The following HECW2 variants were observed in gnomAD, a reference collection of about 807,000 sequenced individuals.
HECW2 encodes HECT, C2 and WW domain containing E3 ubiquitin protein ligase 2.
In HECW2, 61 loss-of-function variants were observed where a neutral mutation model predicts 175.2. The observed-to-expected ratio is 0.35, with a 90% CI of 0.28 to 0.43. The LOEUF (loss-of-function observed/expected upper bound fraction) is 0.43, where lower values mean the gene tolerates loss of function less well. Among genes scored for constraint, HECW2 ranks in the 20% least tolerant of loss-of-function variants. The pLI is 1.00. For synonymous variants in HECW2, 671 were observed against 731.0 expected (o/e 0.92, Z 1.32); for missense variants, 1,524 against 2,000.5 (o/e 0.76, Z 4.54).
At chr2:196,373,166 A>G (rs1043935454) in intron 2 of HECW2, among the ~76,000 whole-genome samples, 1 of 152,228 alleles carries the variant, frequency 6.6e-6, no homozygotes. Context: ...CAAAATAGAT[A>G]AAGGATAGTC....
At chr2:196,433,542 G>A (rs1199735909) in intron 1 of HECW2, 84 bp from the exon 2 acceptor site, 3 of 990,492 alleles carry the variant, frequency 3.0e-6, no homozygotes, top group Non-Finnish European at 4.4e-6. Flanking sequence ...AGCCTTAAAG[G>A]GTGTTTAATA....
intron 1 of HECW2, among the ~76,000 whole-genome samples, chr2:196,540,201 G>T (rs998108556): frequency 9.9e-5 from 15 of 151,888 alleles, no homozygotes; most frequent in Non-Finnish European, 1.8e-4. Flanking sequence ...TACAATTTTT[G>T]GGGGAAAAAA....
intron 1 of HECW2, among the ~76,000 whole-genome samples, chr2:196,569,287 A>T (rs1690292276): frequency 2.0e-5 from 3 of 152,116 alleles, no homozygotes; most frequent in Non-Finnish European, 4.4e-5. Context: ...GGTTATAATG[A>T]GCTATGATTG....
chr2:196,223,254 T>G (rs1687733860), intron 23 of HECW2, among the ~76,000 whole-genome samples: 1 of 152,210 alleles, frequency 6.6e-6, no homozygotes, highest in Admixed American at 6.5e-5. Context: ...TTAAAATTCA[T>G]GTACTTTTAA....
chr2:196,332,701 A>T (rs10190469), intron 4 of HECW2, among the ~76,000 whole-genome samples: 6,235 of 152,260 alleles, frequency 0.041, 454 homozygotes, highest in African/African-American at 0.14. Context: ...AAATGCTTAA[A>T]AATGTTTGGA....
At chr2:196,518,379 G>C (rs1688223182) in intron 1 of HECW2, among the ~76,000 whole-genome samples, 1 of 152,084 alleles carries the variant, frequency 6.6e-6, no homozygotes, top group South Asian at 2.1e-4. Context: ...CTTTAGGCCA[G>C]GCGCGGTGGC....
intron 2 of HECW2, among the ~76,000 whole-genome samples, chr2:196,375,247 T>C (rs1694020751): frequency 6.6e-6 from 1 of 152,028 alleles, no homozygotes; most frequent in African/African-American, 2.4e-5. Context: ...ATTCAGCAGA[T>C]ATCAACTTAA....
rs75608753 is a variant in HECW2 at position 196,395,857 on chromosome 2, G to A, written c.292+37275C>T. ...ATAATTAAACATAGAATTACCATAC[G>A]ATCCAGCTATTCTACTTCTGGGTAT... On this transcript the variant is annotated intron_variant, in intron 2 of 28. Transcript: ENST00000644978. Among the ~76,000 whole-genome samples the A allele has an allele frequency of 9.2e-5, 14 of 152,222 alleles. No homozygotes were observed. The East Asian group carries it at 2.1e-3, about 23-fold the overall frequency.
chr2:196,542,253 G>A (rs1378436233), intron 1 of HECW2, among the ~76,000 whole-genome samples: 4 of 134,160 alleles, frequency 3.0e-5, no homozygotes, highest in South Asian at 2.5e-4. Flanking sequence ...GACAGAGTGA[G>A]ACTCTGTCTC....
At chr2:196,272,291 T>C (rs1266325192) in intron 16 of HECW2, among the ~76,000 whole-genome samples, 1 of 152,192 alleles carries the variant, frequency 6.6e-6, no homozygotes, top group Non-Finnish European at 1.5e-5. Context: ...AAAATGTGTT[T>C]AGAAAAATCT....
At chr2:196,219,294 A>G (rs1031932458) in intron 26 of HECW2, among the ~76,000 whole-genome samples, 1 of 152,222 alleles carries the variant, frequency 6.6e-6, no homozygotes, top group African/African-American at 2.4e-5. Flanking sequence ...AATTTTCAGA[A>G]AATGTATTCT....
At chr2:196,251,580 C>T (rs115441894) in intron 19 of HECW2, among the ~76,000 whole-genome samples, 2 of 152,306 alleles carry the variant, frequency 1.3e-5, no homozygotes, top group Non-Finnish European at 2.9e-5. Flanking sequence ...ATTTCCCATT[C>T]TTGGCAGAGG....
intron 1 of HECW2, among the ~76,000 whole-genome samples, chr2:196,522,794 T>C (rs550215830): frequency 6.6e-6 from 1 of 151,718 alleles, no homozygotes; most frequent in African/African-American, 2.4e-5. Context: ...GTTGTAGATA[T>C]GCGGCGTTAT....
intron 28 of HECW2, among the ~76,000 whole-genome samples, chr2:196,211,876 T>C (rs1453202290): frequency 6.6e-6 from 1 of 152,164 alleles, no homozygotes; most frequent in Non-Finnish European, 1.5e-5. Context: ...AGAGTCTTGC[T>C]CTGTCGCCCA....
At chr2:196,369,346 CTCTCT>C (rs1693843236) in intron 2 of HECW2, among the ~76,000 whole-genome samples, 2 of 90,682 alleles carry the variant, frequency 2.2e-5, no homozygotes, top group Non-Finnish European at 4.6e-5. Context: ...AATGGAGTCT[CTCTCT>C]CTCTCTCTCT....
At chr2:196,513,721 T>C (rs777586631) in intron 1 of HECW2, among the ~76,000 whole-genome samples, 1 of 152,172 alleles carries the variant, frequency 6.6e-6, no homozygotes, top group Non-Finnish European at 1.5e-5. Flanking sequence ...AGTCCTGGTA[T>C]ATAAGTCACA....
In HECW2 at chr2:196,275,487, C is replaced by T. The variant is rs541890265; in HGVS notation, c.3136-1364G>A. 2.2e-4 allele frequency among the ~76,000 whole-genome samples: 33 copies of T among 152,226 alleles called. No individual in the cohort carries two copies. In the South Asian group the frequency reaches 6.8e-3, roughly 32 times the overall value. On this transcript the variant is annotated intron_variant, in intron 15 of 28. Coordinates refer to ENST00000644978, the MANE Select transcript of HECW2 (RefSeq NM_001348768.2). ...GAAATGTGTGGGCCAGGCACGGTGG[C>T]TCACACCTATAATCCCAGCACTTTG...
intron 1 of HECW2, among the ~76,000 whole-genome samples, chr2:196,474,311 A>G (rs1324707585): frequency 6.6e-6 from 1 of 152,228 alleles, no homozygotes; most frequent in African/African-American, 2.4e-5. Context: ...TCAATTTAAC[A>G]ATGAGCAGAT....
intron 1 of HECW2, among the ~76,000 whole-genome samples, chr2:196,464,802 G>A (rs1241965676): frequency 2.0e-5 from 3 of 152,188 alleles, no homozygotes; most frequent in Non-Finnish European, 4.4e-5. Context: ...AGCACTTTGG[G>A]AGGCCGAGGT....
Sources: allele counts gnomAD v4.1 joint callset (sites outside exome capture counted in the v4.1 genomes callset), GRCh38; gene constraint gnomAD v4.1.1; transcripts MANE v1.5; gene names NCBI Gene and HGNC (gene_info 2026-07-23, HGNC 2026-07-21).